Variants in GPRIN2 observed in about 807,000 individuals in gnomAD.
The protein encoded by GPRIN2 is G protein-regulated inducer of neurite outgrowth 2.
GPRIN2 carries 1 observed loss-of-function variant against 0.3 expected under a neutral mutation model. The ratio of observed to expected loss-of-function variants is 3.90; its 90% CI spans 1.39 to 18.51. The LOEUF (loss-of-function observed/expected upper bound fraction) is 18.51. GPRIN2 is among the 30% of genes most tolerant of loss of function. GPRIN2 has a pLI of 0.11. For synonymous variants in GPRIN2, 361 were observed against 258.6 expected, an observed-to-expected ratio of 1.40 and a Z score of -3.80; for missense variants, 880 against 604.2, an observed-to-expected ratio of 1.46 and a Z score of -4.79.
chr10:46,545,303 C>A lies in GPRIN2; in HGVS notation c.*4057G>T, dbSNP rs1842061536. On this transcript the variant is annotated 3_prime_UTR_variant, in exon 3 of 3. Coordinates refer to ENST00000374314, the MANE Select transcript of GPRIN2 (RefSeq NM_001385282.1). ...GGGCTCCTAGAGCTTCCTAGCCTGC[C>A]TGCCAGAGAGCAGAAGTGCCTGGAG... Among the ~76,000 whole-genome samples, 1 of 152,302 alleles carries A rather than the reference C, an allele frequency of 6.6e-6. No homozygotes were observed. The highest frequency in any genetic ancestry group is 6.5e-5 in the Admixed American group (1 of 15,294).
Position 46,550,201 on chromosome 10 carries a change from T to A in GPRIN2, c.536A>T (p.Glu179Val), listed in dbSNP as rs940845145. ...CCAGGCTGAGTTAGAAGTCTCATCC[T>A]CAGGAGCCAGGTCCCTTTCCAGGCC... The part of the protein sequence containing the change: ...PAGLERDLAP[E>V]DETSNSAWML... The change falls in exon 3 of 3, where the codon GAG (glutamate) becomes GTG (valine). Residue 179 changes from glutamate to valine, a missense_variant. By Grantham distance (121) the Glu-to-Val change is moderately radical. Transcript: ENST00000374314. 1.2e-6 allele frequency: 2 copies of A among 1,601,072 alleles called. No homozygotes were observed. The highest frequency in any genetic ancestry group is 1.7e-5 in the Admixed American group (1 of 59,028).
rs1235820283 is a variant in GPRIN2 at position 46,543,425 on chromosome 10, G to A, written c.*5935C>T. Among the ~76,000 whole-genome samples the A allele has an allele frequency of 6.6e-6, 1 of 152,308 alleles. No homozygotes were observed. The highest frequency in any genetic ancestry group is 1.5e-5 in the Non-Finnish European group (1 of 68,058). ...GAAGAACAGATTAAAGAGAAATGGGGGATGGGGATGACAGAGCACCCAGGG... is the reference window on the plus strand; with the variant it reads ...GAAGAACAGATTAAAGAGAAATGGGAGATGGGGATGACAGAGCACCCAGGG... On this transcript the variant is annotated 3_prime_UTR_variant, in exon 3 of 3. Transcript: ENST00000374314.
upstream of GPRIN2, among the ~76,000 whole-genome samples, chr10:46,556,893 G>T (rs1409398003): frequency 2.0e-5 from 3 of 152,242 alleles, no homozygotes; most frequent in African/African-American, 7.2e-5. Flanking sequence ...AGGCTGCCCA[G>T]CGAACCCCCA....
chr10:46,549,658 A>C lies in GPRIN2; in HGVS notation c.1079T>G (p.Leu360Arg), dbSNP rs1222399035. The change falls in exon 3 of 3, where the codon CTG becomes CGG. Residue 360 changes from leucine (L) to arginine (R), a missense_variant. Transcript: ENST00000374314. ...TSPSLEAPAA[L>R]HVFPEVTLGS... ...CAGAGTTACCTCTGGGAACACATGC[A>C]GGGCTGCAGGCGCTTCCAGGGACGG... 4.2e-5 allele frequency: 67 copies of C among 1,614,012 alleles called. No individual in the cohort carries two copies. Among genetic ancestry groups the C allele is most frequent in the Non-Finnish European group, 5.2e-5 (61 of 1,179,934 alleles).
rs988707884 is a variant in GPRIN2, at chr10:46,542,309, T to C, written c.*7051A>G. Among the ~76,000 whole-genome samples the C allele has an allele frequency of 2.6e-5, 4 of 152,306 alleles. No individual in the cohort carries two copies. Among genetic ancestry groups the C allele is most frequent in the African/African-American group, 9.6e-5 (4 of 41,488 alleles). On this transcript the variant is annotated 3_prime_UTR_variant, in exon 3 of 3. Coordinates refer to ENST00000374314, the MANE Select transcript of GPRIN2 (RefSeq NM_001385282.1). ...TCAGGCCTGGGAGGGTGATATGCTT[T>C]GGCTGTGTCCCCACCCAAAATCTCA...
At chr10:46,552,099 G>T (rs1842678471) in intron 2 of GPRIN2, among the ~76,000 whole-genome samples, 1 of 152,312 alleles carries the variant, frequency 6.6e-6, no homozygotes, top group Admixed American at 6.5e-5. Context: ...CAAGGCAGGA[G>T]AGCTCACGGA....
In GPRIN2 at chr10:46,543,231, G is replaced by C. The variant is rs1189196022; in HGVS notation, c.*6129C>G. Among the ~76,000 whole-genome samples, 1 of 152,310 alleles carries C rather than the reference G, an allele frequency of 6.6e-6. No homozygotes were observed. The highest frequency in any genetic ancestry group is 2.4e-5 in the African/African-American group (1 of 41,488). ...CACAGCCACAGCTGGGGGCCTGGTG[G>C]GGGGAATGGCCAAGACCGCAAGAAG... On this transcript the variant is annotated 3_prime_UTR_variant, in exon 3 of 3. Transcript: ENST00000374314.
At position 46,548,618 on chromosome 10, in the gene GPRIN2, G is replaced by A. The variant is rs1832795383; in HGVS notation, c.*742C>T. 6.6e-6 allele frequency among the ~76,000 whole-genome samples: 1 copy of A among 152,428 alleles called. No homozygotes were observed. The highest frequency in any genetic ancestry group is 1.9e-4 in the East Asian group (1 of 5,196). ...AACCCACACCATGAGCTCAGCCAGG[G>A]CAGGGGCAGCCTCTGTCTCATTCAC... On this transcript the variant is annotated 3_prime_UTR_variant, in exon 3 of 3. Transcript: ENST00000374314.
intron 2 of GPRIN2, 75 bp from the exon 3 acceptor site, chr10:46,550,817 C>G (rs1842512920): frequency 1.4e-5 from 20 of 1,458,140 alleles, no homozygotes; most frequent in Non-Finnish European, 1.6e-5. Context: ...TATGAACTCC[C>G]ACAGTGCTAG....
chr10:46,550,182 T>A lies in GPRIN2; in HGVS notation c.555A>T (p.Ser185=), dbSNP rs147805606. ...ACTGACTCGCCCCCAGCATCCAGGC[T>A]GAGTTAGAAGTCTCATCCTCAGGAG... is the stretch of plus-strand genomic sequence containing the variant. ...DLAPEDETSN[S]AWMLGASQLS... is the part of the protein sequence containing the mutation. The change falls in exon 3 of 3, where the codon TCA becomes TCT. Residue 185 remains serine, a synonymous_variant. Transcript: ENST00000374314. The A allele has an allele frequency of 3.9e-3, 6,205 of 1,593,102 alleles. No homozygotes were observed. The highest frequency in any genetic ancestry group is 5.2e-3 in the Admixed American group (307 of 58,960).
chr10:46,545,969 T>C lies in GPRIN2; in HGVS notation c.*3391A>G, dbSNP rs1368305558. On this transcript the variant is annotated 3_prime_UTR_variant, in exon 3 of 3. Coordinates refer to ENST00000374314, the MANE Select transcript of GPRIN2 (RefSeq NM_001385282.1). ...CCAGCTTTAGCCCACTAAGCTACGG[T>C]GGCCAACCCCAGCCCAAAGTGTTGG... 2.6e-5 allele frequency among the ~76,000 whole-genome samples: 4 copies of C among 152,308 alleles called. No individual in the cohort carries two copies. Among genetic ancestry groups the C allele is most frequent in the Admixed American group, 1.3e-4 (2 of 15,290 alleles).
rs1832560333 is a variant in GPRIN2, at chr10:46,549,887, C to T, written c.850G>A (p.Gly284Arg). The stretch of plus-strand genomic sequence containing the variant: ...CAATGGGAATGCCCAGGGAGCCCCC[C>T]AGACAACCTACAGTGGATCTTCACC... Reference protein sequence around the residue: ...HGVKIHCRLSGGLPGHSHCCA... With the variant: ...HGVKIHCRLSRGLPGHSHCCA... Residue 284 changes from glycine (G) to arginine (R), a missense_variant, in exon 3 of 3, where the codon GGG becomes AGG. Transcript: ENST00000374314. The T allele has an allele frequency of 1.5e-5, 24 of 1,614,120 alleles. No homozygotes were observed. In the South Asian group the frequency reaches 1.9e-4, roughly 13 times the overall value.
upstream of GPRIN2, among the ~76,000 whole-genome samples, chr10:46,557,056 C>T (rs1454302936): frequency 6.6e-6 from 1 of 151,618 alleles, no homozygotes; most frequent in East Asian, 1.9e-4. Flanking sequence ...CCCCTCCGCA[C>T]CACGCCCCGC....
rs1832812020 is a variant in GPRIN2 at position 46,548,246 on chromosome 10, G to C, written c.*1114C>G. 0.99 allele frequency among the ~76,000 whole-genome samples: 150,887 copies of C among 152,414 alleles called. 74,680 individuals are homozygous for C. The highest frequency in any genetic ancestry group is 1 in the East Asian group (5,196 of 5,196). The stretch of plus-strand genomic sequence containing the variant: ...GGCAATGAAGTCAGACTGTGCCAAA[G>C]CCCATGTTTCTGTCTCTCCAAGGCC... On this transcript the variant is annotated 3_prime_UTR_variant, in exon 3 of 3. Coordinates refer to ENST00000374314, the MANE Select transcript of GPRIN2 (RefSeq NM_001385282.1).
At chr10:46,553,955 CA>C (rs1239001599) in intron 2 of GPRIN2, among the ~76,000 whole-genome samples, 2 of 152,310 alleles carry the variant, frequency 1.3e-5, no homozygotes, top group East Asian at 1.9e-4. Context: ...CCCAGGGAGC[CA>C]GGGGTGAGGA....
rs1213258114 is a variant in GPRIN2 at position 46,549,547 on chromosome 10, G to A, written c.1190C>T (p.Ala397Val). Reference sequence around the variant, plus strand: ...CACACCGAGCACCTCCAGGTCCACCGCAGCTCCGTACACCTCCCATGTCAT... The same window carrying A: ...CACACCGAGCACCTCCAGGTCCACCACAGCTCCGTACACCTCCCATGTCAT... ...EGMTWEVYGA[A>V]VDLEVLGVAI... Residue 397 changes from alanine (A) to valine (V), a missense_variant, in exon 3 of 3, where the codon GCG becomes GTG. Transcript: ENST00000374314. 49 of 1,613,656 alleles carry A rather than the reference G, an allele frequency of 3.0e-5. No homozygotes were observed. The highest frequency in any genetic ancestry group is 3.8e-5 in the Non-Finnish European group (45 of 1,179,672).
rs1833035943 is a variant in GPRIN2, at chr10:46,543,334, A to G, written c.*6026T>C. ...AGCAGGAGGAGGCAGGAACAAGTAC[A>G]ATGGACAGTGGGGAGGCAGACAGGT... On this transcript the variant is annotated 3_prime_UTR_variant, in exon 3 of 3. Coordinates refer to ENST00000374314, the MANE Select transcript of GPRIN2 (RefSeq NM_001385282.1). 3.7e-3 allele frequency among the ~76,000 whole-genome samples: 560 copies of G among 152,050 alleles called. No homozygotes were observed. Among genetic ancestry groups the G allele is most frequent in the Non-Finnish European group, 5.9e-3 (402 of 67,784 alleles).
In GPRIN2 at chr10:46,549,233, G is replaced by T; in HGVS notation, c.*127C>A. 7.9e-7 allele frequency: 1 copy of T among 1,261,412 alleles called. No homozygotes were observed. Among genetic ancestry groups the T allele is most frequent in the Non-Finnish European group, 1.1e-6 (1 of 947,708 alleles). 78.1% of individuals were successfully genotyped at this position (1,261,412 alleles called of 1,614,324 possible). A position where few individuals can be genotyped will look rare whatever the true frequency, so the allele number is the denominator to read the frequency against. The stretch of plus-strand genomic sequence containing the variant: ...GCTGCAGTCCTGTGGTCTGGAGGCA[G>T]CCAATATTCAGGTGAGAGATGTGCC... On this transcript the variant is annotated 3_prime_UTR_variant, in exon 3 of 3. Transcript: ENST00000374314.
Position 46,542,598 on chromosome 10 carries a change from G to T in GPRIN2, c.*6762C>A, listed in dbSNP as rs1392735031. On this transcript the variant is annotated 3_prime_UTR_variant, in exon 3 of 3. Coordinates refer to ENST00000374314, the MANE Select transcript of GPRIN2 (RefSeq NM_001385282.1). Reference sequence around the variant, plus strand: ...CTGTAAGTTTCCTGAGGCTCCCCGGGCCACGTGGAACTGTGAGTCAATTAA... The same window carrying T: ...CTGTAAGTTTCCTGAGGCTCCCCGGTCCACGTGGAACTGTGAGTCAATTAA... Among the ~76,000 whole-genome samples, 1 of 152,312 alleles carries T rather than the reference G, an allele frequency of 6.6e-6. No individual in the cohort carries two copies. The highest frequency in any genetic ancestry group is 1.5e-5 in the Non-Finnish European group (1 of 68,058).
Sources: gnomAD v4.1 joint callset for allele counts (sites outside exome capture counted in the v4.1 genomes callset) on GRCh38, gnomAD v4.1.1 for gene constraint, MANE v1.5 for transcripts, NCBI Gene and HGNC (gene_info 2026-07-23, HGNC 2026-07-21) for gene names.